The following SLCO3A1 variants were observed in gnomAD, a reference collection of about 807,000 sequenced individuals.
The protein encoded by SLCO3A1 is solute carrier organic anion transporter family member 3A1.
SLCO3A1 carries 27 observed loss-of-function variants against 63.1 expected under a neutral mutation model. The ratio of observed to expected loss-of-function variants is 0.43; its 90% CI spans 0.32 to 0.59. The LOEUF (loss-of-function observed/expected upper bound fraction) is 0.59. Ranked by LOEUF, SLCO3A1 falls within the 20% of genes least tolerant of loss-of-function variation. The pLI is 0.09. For synonymous variants in SLCO3A1, 473 were observed against 409.9 expected (o/e 1.15, Z -1.86); for missense variants, 773 against 945.8 (o/e 0.82, Z 2.40).
In SLCO3A1 at chr15:92,162,889, C is replaced by A. The variant is rs753558570; in HGVS notation, c.1887C>A (p.Ile629=). The part of the protein sequence containing the change: ...NVVYRYLYVS[I]AIALKSFAFI... The stretch of plus-strand genomic sequence containing the variant: ...TCTACCGATACCTGTATGTCAGCAT[C>A]GCCATCGCGCTCAAATCCTTCGCCT... The change falls in exon 10 of 10, where the codon ATC becomes ATA. Residue 629 remains isoleucine (I), a synonymous_variant. Coordinates refer to ENST00000318445, the MANE Select transcript of SLCO3A1 (RefSeq NM_013272.4). 12 of 1,614,194 alleles carry A rather than the reference C, an allele frequency of 7.4e-6. No individual in the cohort carries two copies. In the South Asian group the frequency reaches 1.3e-4, roughly 18 times the overall value.
At chr15:91,944,125 G>A (rs1382987387) in intron 2 of SLCO3A1, among the ~76,000 whole-genome samples, 1 of 152,112 alleles carries the variant, frequency 6.6e-6, no homozygotes, top group Non-Finnish European at 1.5e-5. Context: ...TCTATAAACT[G>A]CCTCCCTAGG....
In SLCO3A1 at chr15:92,163,083, T is replaced by C; in HGVS notation, c.2081T>C (p.Ile694Thr). 1.3e-6 allele frequency: 2 copies of C among 1,546,752 alleles called. No homozygotes were observed. The highest frequency in any genetic ancestry group is 1.7e-6 in the Non-Finnish European group (2 of 1,148,882). The change falls in exon 10 of 10, where the codon ATC becomes ACC. Residue 694 changes from isoleucine (I) to threonine (T), a missense_variant. Ile to Thr is a moderately conservative substitution (Grantham distance 89). Around this residue, in one of 3 missense-constraint regions of SLCO3A1, gnomAD observed 139 missense variants for 131.4 expected, o/e 1.06. Coordinates refer to ENST00000318445, the MANE Select transcript of SLCO3A1 (RefSeq NM_013272.4). ...AACCAGACACATAGGACAAAGTTTA[T>C]CTATAACCTGGAAGACCATGAGTGG... ...PANQTHRTKF[I>T]YNLEDHEWCE...
At chr15:92,024,215 C>T (rs562656778) in intron 2 of SLCO3A1, among the ~76,000 whole-genome samples, 2 of 152,318 alleles carry the variant, frequency 1.3e-5, no homozygotes, top group African/African-American at 4.8e-5. Context: ...CCATACATAT[C>T]ATGGGCAGAG....
chr15:92,017,757 CA>C (rs1387709540), intron 2 of SLCO3A1, among the ~76,000 whole-genome samples: 1 of 152,028 alleles, frequency 6.6e-6, no homozygotes, highest in Non-Finnish European at 1.5e-5. Flanking sequence ...GTGAAGCTAC[CA>C]GGGGCACATG....
At chr15:92,142,403 G>A (rs1369958345) in intron 7 of SLCO3A1, among the ~76,000 whole-genome samples, 2 of 152,144 alleles carry the variant, frequency 1.3e-5, no homozygotes, top group African/African-American at 4.8e-5. Context: ...CCTTTTCATA[G>A]ATGGCACCCT....
Position 91,875,249 on chromosome 15 carries a change from ACATTGTAGCT to A in SLCO3A1, c.180+21170_180+21179del, listed in dbSNP as rs1897371380. On this transcript the variant is annotated intron_variant, in intron 1 of 9. Transcript: ENST00000318445. The surrounding 1 kb of genome is among the most constrained non-coding windows in gnomAD (Gnocchi z 4.5). ...CCTTTAGGGGCGGCAGTGTTGTCCC[ACATTGTAGCT>A]CATTGTAGGAGATCCTAGTTGCACT... Among the ~76,000 whole-genome samples the A allele has an allele frequency of 6.6e-6, 1 of 152,158 alleles. No individual in the cohort carries two copies. Among genetic ancestry groups the A allele is most frequent in the African/African-American group, 2.4e-5 (1 of 41,440 alleles).
intron 2 of SLCO3A1, among the ~76,000 whole-genome samples, chr15:91,984,774 GTTATT>G (rs2046029699): frequency 6.6e-6 from 1 of 152,046 alleles, no homozygotes; most frequent in South Asian, 2.1e-4. Flanking sequence ...CATATTTCCA[GTTATT>G]TTATCCATCA....
chr15:91,917,612 T>G (rs1898705952), intron 2 of SLCO3A1, among the ~76,000 whole-genome samples: 1 of 152,164 alleles, frequency 6.6e-6, no homozygotes, highest in South Asian at 2.1e-4. Context: ...ATTCAGAGGA[T>G]GGAGCACCAG....
intron 2 of SLCO3A1, among the ~76,000 whole-genome samples, chr15:92,003,447 A>G (rs534008585): frequency 1.3e-5 from 2 of 152,316 alleles, no homozygotes; most frequent in African/African-American, 4.8e-5. Context: ...CTAGCCTGTC[A>G]TGCATTGGCC....
At chr15:92,045,613 C>G (rs1279876148) in intron 2 of SLCO3A1, among the ~76,000 whole-genome samples, 2 of 151,816 alleles carry the variant, frequency 1.3e-5, no homozygotes, top group Admixed American at 1.3e-4. Context: ...AGTCAGTCTT[C>G]TACTCTAGGT....
At chr15:91,888,444 A>G (rs767005018) in intron 1 of SLCO3A1, among the ~76,000 whole-genome samples, 25 of 152,328 alleles carry the variant, frequency 1.6e-4, no homozygotes, top group Admixed American at 3.3e-4. Context: ...ATGCATAACT[A>G]TTTGATTTTA....
At chr15:92,073,739 G>A (rs1013183330) in intron 2 of SLCO3A1, among the ~76,000 whole-genome samples, 9 of 152,238 alleles carry the variant, frequency 5.9e-5, no homozygotes, top group African/African-American at 2.2e-4. Context: ...CAGGTTCAGT[G>A]GCATTTTTGG....
intron 2 of SLCO3A1, among the ~76,000 whole-genome samples, chr15:92,046,265 A>G (rs1597254643): frequency 1.3e-5 from 2 of 152,280 alleles, no homozygotes; most frequent in African/African-American, 4.8e-5. Context: ...CTGTAATAAC[A>G]GCACTTTGGG....
intron 2 of SLCO3A1, among the ~76,000 whole-genome samples, chr15:92,072,017 G>A (rs1395450389): frequency 6.6e-6 from 1 of 152,288 alleles, no homozygotes; most frequent in Middle Eastern, 3.4e-3. Context: ...TCCCTATGAC[G>A]CACTTTGTGT....
chr15:91,960,731 C>G (rs1900413660), intron 2 of SLCO3A1, among the ~76,000 whole-genome samples: 1 of 152,182 alleles, frequency 6.6e-6, no homozygotes, highest in African/African-American at 2.4e-5. Flanking sequence ...CAGGTTGTCT[C>G]TTATCCAAAA....
At position 92,015,352 on chromosome 15, in the gene SLCO3A1, A is replaced by G. The variant is rs532840693; in HGVS notation, c.647-79529A>G. On this transcript the variant is annotated intron_variant, in intron 2 of 9. Coordinates refer to ENST00000318445, the MANE Select transcript of SLCO3A1 (RefSeq NM_013272.4). ...CTGGGGAGGCTTCAGGAAACTTACA[A>G]TCATGTCAGAAGGCGAAGAAGAAGC... 3.5e-4 allele frequency among the ~76,000 whole-genome samples: 53 copies of G among 152,198 alleles called. 2 individuals are homozygous for G. The South Asian group carries it at 6.9e-3, about 20-fold the overall frequency.
intron 2 of SLCO3A1, among the ~76,000 whole-genome samples, chr15:92,020,034 G>A (rs2046488662): frequency 6.6e-6 from 1 of 152,146 alleles, no homozygotes; most frequent in African/African-American, 2.4e-5. Flanking sequence ...AAGAACTGCT[G>A]CCTGTTGACC....
intron 2 of SLCO3A1, among the ~76,000 whole-genome samples, chr15:92,069,284 T>C (rs1490494038): frequency 6.6e-6 from 1 of 152,186 alleles, no homozygotes; most frequent in Non-Finnish European, 1.5e-5. Flanking sequence ...GTCATGTCAG[T>C]AGTGCTGAGG....
At chr15:92,166,042 TG>T, downstream of SLCO3A1, 14 of 369,886 alleles carry the variant, frequency 3.8e-5, no homozygotes, top group Non-Finnish European at 5.2e-5. Context: ...GTTTGGGTTT[TG>T]TTTTGTTTTT....
Sources: allele counts gnomAD v4.1 joint callset (sites outside exome capture counted in the v4.1 genomes callset), GRCh38; gene constraint gnomAD v4.1.1; regional missense constraint gnomAD v4.1.1; non-coding constraint Gnocchi (gnomAD v3.1); transcripts MANE v1.5; gene names NCBI Gene and HGNC (gene_info 2026-07-23, HGNC 2026-07-21).